FOXO1: variants seen among roughly 807,000 people sequenced by gnomAD.
FOXO1 encodes forkhead box protein O1.
In FOXO1, 6 loss-of-function variants were observed where a neutral mutation model predicts 44.1. That is an observed-to-expected ratio of 0.14 (90% confidence interval 0.07 to 0.27). FOXO1 has a LOEUF of 0.27. Ranked by LOEUF, FOXO1 falls within the 10% of genes least tolerant of loss-of-function variation. FOXO1 has a pLI of 1.00. For missense variants in FOXO1, 737 were observed against 888.8 expected (o/e 0.83, Z 2.17); for synonymous variants, 380 against 362.7 (o/e 1.05, Z -0.54).
At chr13:40,658,679 C>G (rs1877935837) in intron 1 of FOXO1, among the ~76,000 whole-genome samples, 2 of 152,216 alleles carry the variant, frequency 1.3e-5, no homozygotes, top group East Asian at 3.9e-4. Context: ...GTAATGGAAT[C>G]CAAGATAAGA....
At chr13:40,623,100 C>T (rs1876669701) in intron 1 of FOXO1, among the ~76,000 whole-genome samples, 1 of 151,048 alleles carries the variant, frequency 6.6e-6, no homozygotes, top group African/African-American at 2.4e-5. Context: ...TCACCTTTCT[C>T]TAAGTTATCC....
intron 1 of FOXO1, among the ~76,000 whole-genome samples, chr13:40,603,855 AAC>A (rs1316473818): frequency 1.3e-5 from 2 of 152,252 alleles, no homozygotes; most frequent in South Asian, 2.1e-4. Flanking sequence ...CTACTGCACA[AAC>A]ACATCTGAAA....
intron 1 of FOXO1, among the ~76,000 whole-genome samples, chr13:40,639,761 G>C (rs1459710859): frequency 1.3e-5 from 2 of 152,330 alleles, no homozygotes; most frequent in Middle Eastern, 3.4e-3. Context: ...ATGTCAGAGG[G>C]ACCAGCTGAG....
rs184068690 is a variant in FOXO1, at chr13:40,594,756, G to T, written c.631-33896C>A. Among the ~76,000 whole-genome samples the T allele has an allele frequency of 1.1e-3, 162 of 152,240 alleles. 2 individuals carry two copies. The East Asian group carries it at 0.026, about 25-fold the overall frequency. On this transcript the variant is annotated intron_variant, in intron 1 of 2. Transcript: ENST00000379561. ...GCTGGAATGCAGTGGTACAATCATG[G>T]CTCACTTGCAGCTTCCAACTCCTAG...
chr13:40,654,112 T>A (rs1309678634), intron 1 of FOXO1, among the ~76,000 whole-genome samples: 3 of 151,702 alleles, frequency 2.0e-5, no homozygotes, highest in Admixed American at 6.6e-5. Context: ...GCTGTTAAGC[T>A]CATGGGGTAT....
intron 1 of FOXO1, 86 bp downstream of exon 1, chr13:40,665,497 C>A (rs1377637563): frequency 8.5e-7 from 1 of 1,172,972 alleles, no homozygotes; most frequent in Non-Finnish European, 1.1e-6. Flanking sequence ...CTGCTCCGCA[C>A]CTTCAGGCCG....
At chr13:40,622,083 T>C (rs1035181870) in intron 1 of FOXO1, among the ~76,000 whole-genome samples, 2 of 152,222 alleles carry the variant, frequency 1.3e-5, no homozygotes, top group Non-Finnish European at 2.9e-5. Context: ...ACTGAACAAG[T>C]ATTTATTCAG....
intron 1 of FOXO1, among the ~76,000 whole-genome samples, chr13:40,589,084 C>T (rs780088596): frequency 1.3e-5 from 2 of 151,924 alleles, no homozygotes; most frequent in South Asian, 2.1e-4. Flanking sequence ...CCAGCCTGGG[C>T]GACAGAGCGA....
intron 1 of FOXO1, among the ~76,000 whole-genome samples, chr13:40,658,231 T>G (rs1250599111): frequency 6.6e-6 from 1 of 152,090 alleles, no homozygotes; most frequent in Non-Finnish European, 1.5e-5. Flanking sequence ...GACAGGAGCG[T>G]CTAGGCCTGA....
chr13:40,618,739 T>C (rs1191932940), intron 1 of FOXO1: 4 of 431,350 alleles, frequency 9.3e-6, no homozygotes, highest in Non-Finnish European at 1.8e-5. Context: ...AATCTCAGGA[T>C]GAATCAGTCT....
At chr13:40,643,763 T>C (rs1877428406) in intron 1 of FOXO1, among the ~76,000 whole-genome samples, 1 of 152,116 alleles carries the variant, frequency 6.6e-6, no homozygotes, top group Non-Finnish European at 1.5e-5. Flanking sequence ...AACCCCAGAA[T>C]CTCAGGTGTG....
chr13:40,662,682 T>C (rs1458776756), intron 1 of FOXO1, among the ~76,000 whole-genome samples: 1 of 152,324 alleles, frequency 6.6e-6, no homozygotes, highest in Admixed American at 6.5e-5. Flanking sequence ...TGCAAATGAC[T>C]CAAACTTTCA....
At chr13:40,619,810 A>T (rs1436849752) in intron 1 of FOXO1, 2 of 773,674 alleles carry the variant, frequency 2.6e-6, no homozygotes, top group Non-Finnish European at 4.8e-6. Context: ...CACTAATTTC[A>T]GTAGTCACAC....
chr13:40,570,148 A>G (rs1344129150), intron 1 of FOXO1, among the ~76,000 whole-genome samples: 2 of 151,872 alleles, frequency 1.3e-5, no homozygotes, highest in Non-Finnish European at 2.9e-5. Flanking sequence ...CCCCTCTACT[A>G]AAAATACAAA....
chr13:40,595,014 G>A (rs959922318), intron 1 of FOXO1, among the ~76,000 whole-genome samples: 3 of 152,130 alleles, frequency 2.0e-5, no homozygotes, highest in African/African-American at 7.2e-5. Flanking sequence ...TGCTTATTTG[G>A]TTTTGATTTT....
intron 1 of FOXO1, among the ~76,000 whole-genome samples, chr13:40,562,233 C>T (rs1342829719): frequency 6.6e-6 from 1 of 152,166 alleles, no homozygotes; most frequent in Non-Finnish European, 1.5e-5. Flanking sequence ...CCAGGGGCTA[C>T]ACTGTCCAAA....
intron 1 of FOXO1, among the ~76,000 whole-genome samples, chr13:40,568,821 G>A (rs775841998): frequency 6.6e-5 from 10 of 151,260 alleles, no homozygotes; most frequent in Non-Finnish European, 1.3e-4. Flanking sequence ...AGAGACTGGC[G>A]GCCTGGTAAA....
At chr13:40,627,325 G>C (rs544016892) in intron 1 of FOXO1, among the ~76,000 whole-genome samples, 5 of 152,310 alleles carry the variant, frequency 3.3e-5, no homozygotes, top group Non-Finnish European at 5.9e-5. Flanking sequence ...TTTAAAAATA[G>C]TTGGTCTGGC....
intron 1 of FOXO1, among the ~76,000 whole-genome samples, chr13:40,635,156 T>A (rs1349623954): frequency 6.6e-6 from 1 of 152,200 alleles, no homozygotes; most frequent in Non-Finnish European, 1.5e-5. Flanking sequence ...AAACAAAGTA[T>A]TAGATATCAG....
Sources: gnomAD v4.1 joint callset for allele counts (sites outside exome capture counted in the v4.1 genomes callset) on GRCh38, gnomAD v4.1.1 for gene constraint, MANE v1.5 for transcripts, NCBI Gene and HGNC (gene_info 2026-07-23, HGNC 2026-07-21) for gene names.